Variants in SLC24A2 observed in about 807,000 individuals in gnomAD.
SLC24A2 encodes solute carrier family 24 member 2.
Under a neutral mutation model 62.0 loss-of-function variants are expected in SLC24A2, and 36 were observed. The ratio of observed to expected loss-of-function variants is 0.58; its 90% CI spans 0.44 to 0.77. The LOEUF is 0.77. SLC24A2 is among the 30% of genes least tolerant of loss of function. The pLI, the probability that SLC24A2 is intolerant of heterozygous loss-of-function variation, is 0.00. For missense variants in SLC24A2, 846 were observed against 817.9 expected, an observed-to-expected ratio of 1.03 and a Z score of -0.42; for synonymous variants, 358 against 294.0, an observed-to-expected ratio of 1.22 and a Z score of -2.23.
the SLC24A2 span, chr9:19,895,734 G>A: frequency 7.2e-7 from 1 of 1,391,522 alleles, no homozygotes; most frequent in East Asian, 2.5e-5. Flanking sequence ...GGTCGAGGCT[G>A]GAGTCAAGGG....
chr9:19,947,054 G>A, the SLC24A2 span, among the ~76,000 whole-genome samples: 1 of 152,190 alleles, frequency 6.6e-6, no homozygotes, highest in Admixed American at 6.5e-5. Flanking sequence ...TGCAAATACT[G>A]TAACATAAGT....
the SLC24A2 span, among the ~76,000 whole-genome samples, chr9:19,839,920 G>T: frequency 1.3e-5 from 2 of 152,094 alleles, no homozygotes; most frequent in Non-Finnish European, 2.9e-5. Context: ...GAAGCAATAG[G>T]CTATACCATA....
At chr9:19,876,962 T>G in the SLC24A2 span, among the ~76,000 whole-genome samples, 1 of 152,160 alleles carries the variant, frequency 6.6e-6, no homozygotes, top group Non-Finnish European at 1.5e-5. Context: ...TATTTTCATT[T>G]GTCTTTTGCA....
the SLC24A2 span, among the ~76,000 whole-genome samples, chr9:19,903,266 T>C: frequency 6.6e-6 from 1 of 152,134 alleles, no homozygotes; most frequent in Admixed American, 6.5e-5. Context: ...GTGAAGGCCC[T>C]CCTCCTAGTT....
intron 2 of SLC24A2, among the ~76,000 whole-genome samples, chr9:19,747,059 C>T (rs1344921471): frequency 6.6e-6 from 1 of 152,056 alleles, no homozygotes; most frequent in Non-Finnish European, 1.5e-5. Context: ...TTTAAAATTA[C>T]AAAATATTTT....
At chr9:19,619,552 A>T (rs370380251) in intron 4 of SLC24A2, 32 bp downstream of exon 4, 1 of 1,545,256 alleles carries the variant, frequency 6.5e-7, no homozygotes, top group Admixed American at 1.7e-5. Flanking sequence ...TTTCCCCCCA[A>T]ACAAGTTCCC....
At chr9:19,894,296 G>A in the SLC24A2 span, among the ~76,000 whole-genome samples, 1 of 152,200 alleles carries the variant, frequency 6.6e-6, no homozygotes, top group Non-Finnish European at 1.5e-5. Context: ...GTGTCCTGAG[G>A]TGGCCTGAGG....
chr9:20,210,232 T>C, the SLC24A2 span, among the ~76,000 whole-genome samples: 1 of 152,050 alleles, frequency 6.6e-6, no homozygotes. Context: ...ACCCAGCACC[T>C]GGCAGGATGG....
the SLC24A2 span, among the ~76,000 whole-genome samples, chr9:20,165,528 T>C: frequency 6.6e-6 from 1 of 151,848 alleles, no homozygotes; most frequent in Non-Finnish European, 1.5e-5. Flanking sequence ...TAAAGTGGTA[T>C]CTCAAATGAC....
chr9:19,918,506 C>T, the SLC24A2 span, among the ~76,000 whole-genome samples: 3 of 152,080 alleles, frequency 2.0e-5, no homozygotes, highest in Non-Finnish European at 4.4e-5. Flanking sequence ...TCACATCCTC[C>T]ACTCTCCTTT....
the SLC24A2 span, among the ~76,000 whole-genome samples, chr9:19,883,568 A>G: frequency 2.5e-5 from 1 of 40,378 alleles, no homozygotes; most frequent in African/African-American, 1.0e-4. Context: ...GTTTCTGTAC[A>G]TTGTTTTTTT....
the SLC24A2 span, among the ~76,000 whole-genome samples, chr9:20,121,908 T>C: frequency 6.6e-6 from 1 of 152,202 alleles, no homozygotes; most frequent in Non-Finnish European, 1.5e-5. Context: ...TCTAGAGCTT[T>C]ACACGTAGCA....
chr9:20,298,504 C>A, the SLC24A2 span, among the ~76,000 whole-genome samples: 1 of 152,242 alleles, frequency 6.6e-6, no homozygotes, highest in Non-Finnish European at 1.5e-5. Context: ...GCTGGGATTA[C>A]AGGCGTGAGC....
chr9:19,968,244 C>A, the SLC24A2 span, among the ~76,000 whole-genome samples: 1 of 152,174 alleles, frequency 6.6e-6, no homozygotes, highest in Admixed American at 6.5e-5. Flanking sequence ...CACCAGGGAG[C>A]CCACAGGGAC....
Position 19,576,951 on chromosome 9 carries a change from T to A in SLC24A2, c.1201A>T (p.Arg401Trp), listed in dbSNP as rs2383101. 2.2e-5 allele frequency: 35 copies of A among 1,613,836 alleles called. No individual in the cohort carries two copies. The highest frequency in any genetic ancestry group is 2.5e-5 in the Non-Finnish European group (30 of 1,179,792). ...ACGTGGTTGGCAGCCCCATTCTGCCTCTCGTTCTCATCCACATGACATTTC... is the reference window on the plus strand; with the variant it reads ...ACGTGGTTGGCAGCCCCATTCTGCCACTCGTTCTCATCCACATGACATTTC... ...KKKCHVDENE[R>W]QNGAANHVEK... Residue 401 changes from arginine to tryptophan, a missense_variant, in exon 6 of 11, where the codon AGG (arginine) becomes TGG (tryptophan). Physicochemically the swap from Arg to Trp is moderately radical, Grantham distance 101. Transcript: ENST00000341998.
Position 19,599,550 on chromosome 9 carries a change from C to G in SLC24A2, c.1079-2271G>C, listed in dbSNP as rs539837018. 9.9e-4 allele frequency among the ~76,000 whole-genome samples: 150 copies of G among 152,248 alleles called. No individual in the cohort carries two copies. Among genetic ancestry groups the G allele is most frequent in the African/African-American group, 3.5e-3 (145 of 41,538 alleles). ...AAGAATGGAGATGGAAACCAGCCTG[C>G]TAGAATACGGTCTTTAGCACTAACA... is the stretch of plus-strand genomic sequence containing the variant. On this transcript the variant is annotated intron_variant, in intron 4 of 10. Coordinates refer to ENST00000341998, the MANE Select transcript of SLC24A2 (RefSeq NM_020344.4). The surrounding 1 kb of genome is among the most constrained non-coding windows in gnomAD (Gnocchi z 4.5).
chr9:20,232,987 A>G, the SLC24A2 span, among the ~76,000 whole-genome samples: 2 of 152,030 alleles, frequency 1.3e-5, no homozygotes, highest in African/African-American at 4.8e-5. Flanking sequence ...TTATTTACCC[A>G]GTAGTCATTC....
intron 7 of SLC24A2, among the ~76,000 whole-genome samples, chr9:19,564,258 C>G (rs1536585): frequency 0.92 from 140,441 of 152,228 alleles, 64,867 homozygotes; most frequent in East Asian, 1. Flanking sequence ...AAAAACCACA[C>G]TCACTTCCAT....
At chr9:19,811,943 C>T in the SLC24A2 span, among the ~76,000 whole-genome samples, 2 of 151,996 alleles carry the variant, frequency 1.3e-5, no homozygotes, top group Admixed American at 1.3e-4. Flanking sequence ...TTTAGTATTT[C>T]TCTTAGTGCA....
Sources: gnomAD v4.1 joint callset for allele counts (sites outside exome capture counted in the v4.1 genomes callset) on GRCh38, gnomAD v4.1.1 for gene constraint, Gnocchi (gnomAD v3.1) non-coding constraint, MANE v1.5 for transcripts, NCBI Gene and HGNC (gene_info 2026-07-23, HGNC 2026-07-21) for gene names.